HTR1D: variants seen among roughly 807,000 people sequenced by gnomAD.
HTR1D encodes the protein 5-hydroxytryptamine receptor 1D.
HTR1D carries 18 observed loss-of-function variants against 21.1 expected under a neutral mutation model. The ratio of observed to expected loss-of-function variants is 0.85; its 90% confidence interval spans 0.59 to 1.27. HTR1D has a LOEUF of 1.27. HTR1D is among the 50% of genes most tolerant of loss of function. HTR1D has a pLI of 0.00. For missense variants in HTR1D, 456 were observed against 481.4 expected, an observed-to-expected ratio of 0.95 and a Z score of 0.49; for synonymous variants, 196 against 204.4, an observed-to-expected ratio of 0.96 and a Z score of 0.35.
chr1:23,210,687 C>A (rs1361120953), intron 1 of HTR1D, among the ~76,000 whole-genome samples: 1 of 152,024 alleles, frequency 6.6e-6, no homozygotes, highest in African/African-American at 2.4e-5. Context: ...GGCTCTCAGG[C>A]CCATTTCACA....
In HTR1D at chr1:23,204,586, G is replaced by GC. The variant is rs375146598; in HGVS notation, c.-782-9586dup. Among the ~76,000 whole-genome samples the GC allele has an allele frequency of 1.8e-3, 270 of 152,254 alleles. 3 individuals carry two copies. The highest frequency in any genetic ancestry group is 6.1e-3 in the African/African-American group (254 of 41,544). The stretch of plus-strand genomic sequence containing the variant: ...CTACTGCCCTGTGCCACCTCTCCCT[G>GC]CCCCCATCAAAAGGAGTATTTTTTT... On this transcript the variant is annotated intron_variant, in intron 1 of 1. Transcript: ENST00000374619.
chr1:23,215,820 C>T (rs1262806713), intron 1 of HTR1D, among the ~76,000 whole-genome samples: 1 of 152,260 alleles, frequency 6.6e-6, no homozygotes, highest in Non-Finnish European at 1.5e-5. Flanking sequence ...GCTGCAGAGA[C>T]ATGATCTCCA....
At chr1:23,210,970 C>T (rs1029229719) in intron 1 of HTR1D, among the ~76,000 whole-genome samples, 1 of 152,126 alleles carries the variant, frequency 6.6e-6, no homozygotes, top group Non-Finnish European at 1.5e-5. Flanking sequence ...AAACAAGGTA[C>T]TAACAACAGG....
At chr1:23,209,478 G>T (rs567359328) in intron 1 of HTR1D, among the ~76,000 whole-genome samples, 52 of 151,640 alleles carry the variant, frequency 3.4e-4, no homozygotes, top group Non-Finnish European at 5.2e-4. Context: ...CATTTCCAGG[G>T]AGGGGGTTGG....
intron 1 of HTR1D, among the ~76,000 whole-genome samples, chr1:23,196,720 G>T (rs1557720450): frequency 6.6e-6 from 1 of 152,258 alleles, no homozygotes; most frequent in East Asian, 1.9e-4. Flanking sequence ...GGGCAACGTG[G>T]CTCCCAACTT....
At position 23,197,614 on chromosome 1, in the gene HTR1D, C is replaced by T. The variant is rs145716531; in HGVS notation, c.-782-2613G>A. On this transcript the variant is annotated intron_variant, in intron 1 of 1. Transcript: ENST00000374619. Reference sequence around the variant, plus strand: ...GCATGGTGGTGGGCACCCAGCTACTCGGGAGGCTGAGGCAGGAGAATCACT... The same window carrying T: ...GCATGGTGGTGGGCACCCAGCTACTTGGGAGGCTGAGGCAGGAGAATCACT... Among the ~76,000 whole-genome samples the T allele has an allele frequency of 2.0e-3, 297 of 151,380 alleles. 2 individuals carry two copies. Among genetic ancestry groups the T allele is most frequent in the African/African-American group, 6.5e-3 (270 of 41,246 alleles).
At chr1:23,208,722 G>A (rs1216383681) in intron 1 of HTR1D, among the ~76,000 whole-genome samples, 1 of 152,110 alleles carries the variant, frequency 6.6e-6, no homozygotes, top group East Asian at 1.9e-4. Flanking sequence ...TACAGACGAA[G>A]AAACTGAGGT....
rs577343268 is a variant in HTR1D, at chr1:23,193,421, A to G, written c.799T>C (p.Ser267Pro). 35 of 1,614,172 alleles carry G rather than the reference A, an allele frequency of 2.2e-5. No homozygotes were observed. The Admixed American group carries it at 3.0e-4, about 14-fold the overall frequency. The part of the protein sequence containing the change: ...NSSLHEGHSH[S>P]AGSPLFFNHV... ...TTGAAAAAGAGAGGGGAGCCAGCCG[A>G]GTGCGAGTGCCCCTCATGGAGGCTG... is the stretch of plus-strand genomic sequence containing the variant. The change falls in exon 2 of 2, where the codon TCG becomes CCG. Residue 267 changes from serine to proline, a missense_variant. Transcript: ENST00000374619.
At chr1:23,208,830 C>T (rs1265093732) in intron 1 of HTR1D, among the ~76,000 whole-genome samples, 1 of 152,058 alleles carries the variant, frequency 6.6e-6, no homozygotes, top group Non-Finnish European at 1.5e-5. Flanking sequence ...CCACTATTGG[C>T]CATGTGTGGC....
At chr1:23,213,352 C>T (rs1242084433) in intron 1 of HTR1D, among the ~76,000 whole-genome samples, 1 of 152,096 alleles carries the variant, frequency 6.6e-6, no homozygotes, top group Non-Finnish European at 1.5e-5. Flanking sequence ...TGGTGGTGTG[C>T]GCCTATAGTC....
intron 1 of HTR1D, among the ~76,000 whole-genome samples, chr1:23,211,379 A>T (rs1644752733): frequency 6.6e-6 from 1 of 152,172 alleles, no homozygotes; most frequent in South Asian, 2.1e-4. Context: ...TATGGGAAGG[A>T]AAGTAGGGGG....
At chr1:23,200,761 C>T (rs1644706537) in intron 1 of HTR1D, among the ~76,000 whole-genome samples, 1 of 152,214 alleles carries the variant, frequency 6.6e-6, no homozygotes, top group Non-Finnish European at 1.5e-5. Flanking sequence ...AACAACATCA[C>T]TTCCCTCACC....
chr1:23,205,846 C>T (rs1029963979), intron 1 of HTR1D, among the ~76,000 whole-genome samples: 1 of 151,946 alleles, frequency 6.6e-6, no homozygotes, highest in African/African-American at 2.4e-5. Flanking sequence ...CTGGCCTCTC[C>T]ATTCATTGAA....
At chr1:23,202,756 A>G (rs1185187352) in intron 1 of HTR1D, among the ~76,000 whole-genome samples, 1 of 152,176 alleles carries the variant, frequency 6.6e-6, no homozygotes, top group African/African-American at 2.4e-5. Flanking sequence ...ATATTTTACA[A>G]AATGCACCCA....
intron 1 of HTR1D, among the ~76,000 whole-genome samples, chr1:23,200,016 T>C (rs1361591862): frequency 6.6e-6 from 1 of 152,168 alleles, no homozygotes; most frequent in Non-Finnish European, 1.5e-5. Flanking sequence ...GTATATGTAA[T>C]TTTTCTCAAT....
At position 23,192,940 on chromosome 1, in the gene HTR1D, C is replaced by T; in HGVS notation, c.*146G>A. 1 of 261,654 alleles carries T rather than the reference C, an allele frequency of 3.8e-6. No individual in the cohort carries two copies. The highest frequency in any genetic ancestry group is 7.1e-5 in the East Asian group (1 of 14,172). The allele number at this position is 261,654 out of a possible 1,614,324, so 16.2% of individuals were successfully genotyped here. A position where few individuals can be genotyped will look rare whatever the true frequency, so the allele number is the denominator to read the frequency against. ...GCTCTTTCAGAAGTTAAGAAAACAA[C>T]AGGAAAAAGAACAATTCTGTTGATT... On this transcript the variant is annotated 3_prime_UTR_variant, in exon 2 of 2. Coordinates refer to ENST00000374619, the MANE Select transcript of HTR1D (RefSeq NM_000864.5).
intron 1 of HTR1D, among the ~76,000 whole-genome samples, chr1:23,214,999 A>G (rs1051672407): frequency 1.2e-4 from 18 of 152,160 alleles, no homozygotes; most frequent in African/African-American, 4.3e-4. Flanking sequence ...GGCTGTAGAA[A>G]GGAGAATGAA....
Position 23,194,668 on chromosome 1 carries a change from T to A in HTR1D, c.-449A>T, listed in dbSNP as rs957755163. The A allele has an allele frequency of 6.0e-6, 1 of 167,752 alleles. No individual in the cohort carries two copies. The highest frequency in any genetic ancestry group is 2.4e-5 in the African/African-American group (1 of 41,448). The allele number at this position is 167,752 out of a possible 1,614,324, so 10.4% of individuals were successfully genotyped here. A position where few individuals can be genotyped will look rare whatever the true frequency, so the allele number is the denominator to read the frequency against. ...TGGCTCTTTTCAAAGCTTGAGACAT[T>A]CGTGTGTTTAATGAGAACTTCAGAA... On this transcript the variant is annotated 5_prime_UTR_variant, in exon 2 of 2. Coordinates refer to ENST00000374619, the MANE Select transcript of HTR1D (RefSeq NM_000864.5).
At chr1:23,213,802 G>A (rs1276692559) in intron 1 of HTR1D, among the ~76,000 whole-genome samples, 1 of 152,050 alleles carries the variant, frequency 6.6e-6, no homozygotes. Flanking sequence ...CCAGCAGTTT[G>A]CCCACCTGGG....
Sources: gnomAD v4.1 joint callset for allele counts (sites outside exome capture counted in the v4.1 genomes callset) on GRCh38, gnomAD v4.1.1 for gene constraint, MANE v1.5 for transcripts, NCBI Gene and HGNC (gene_info 2026-07-23, HGNC 2026-07-21) for gene names.